STK3: variants seen among roughly 807,000 people sequenced by gnomAD.
STK3 encodes serine/threonine-protein kinase 3.
In STK3, 41 loss-of-function variants were observed where a neutral mutation model predicts 58.0. That is an observed-to-expected ratio of 0.71 (90% confidence interval 0.55 to 0.92). The LOEUF is 0.92. Ranked by LOEUF, STK3 falls within the 40% of genes least tolerant of loss-of-function variation. STK3 has a pLI of 0.00. For missense variants in STK3, 479 were observed against 602.7 expected (o/e 0.79, Z 2.15); for synonymous variants, 170 against 191.0 (o/e 0.89, Z 0.91).
chr8:98,409,469 C>A (rs1047605640), intron 3 of STK3, among the ~76,000 whole-genome samples: 1 of 152,238 alleles, frequency 6.6e-6, no homozygotes, highest in Non-Finnish European at 1.5e-5. Context: ...ACTCTGCCAT[C>A]GACATCTTCC....
the STK3 span, among the ~76,000 whole-genome samples, chr8:98,358,192 T>C: frequency 6.6e-6 from 1 of 152,202 alleles, no homozygotes; most frequent in South Asian, 2.1e-4. Flanking sequence ...TTCAGCTTAA[T>C]GTGCAAATCC....
At position 98,774,802 on chromosome 8, in the gene STK3, C is replaced by A; in HGVS notation, c.44G>T (p.Ser15Ile). 6.4e-7 allele frequency: 1 copy of A among 1,568,150 alleles called. No homozygotes were observed. Among genetic ancestry groups the A allele is most frequent in the South Asian group, 1.3e-5 (1 of 79,488 alleles). Residue 15 changes from serine (S) to isoleucine (I), a missense_variant, in exon 2 of 11, where the codon AGT (serine) becomes ATT (isoleucine). This residue lies in a region of STK3 where 44 missense variants were observed against 37.0 expected (regional missense o/e 1.19). Transcript: ENST00000419617. ...PAPKSKLKKLSEDSLTKQPEE... is the reference protein window; with the variant it reads ...PAPKSKLKKLIEDSLTKQPEE... ...AGGCTGCTTAGTCAAACTGTCTTCA[C>A]TCAGCTTTTTTAGTTTACTGATTTA...
At chr8:98,845,574 C>A (rs1415345872) in intron 3 of STK3, among the ~76,000 whole-genome samples, 1 of 152,170 alleles carries the variant, frequency 6.6e-6, no homozygotes, top group African/African-American at 2.4e-5. Flanking sequence ...TGAAAGTAAC[C>A]ATTTTTCCAC....
At chr8:98,603,300 G>A (rs543073299) in intron 6 of STK3, 1 of 151,814 alleles carries the variant, frequency 6.6e-6, no homozygotes, top group Middle Eastern at 3.4e-3. Flanking sequence ...GCAGTGACAT[G>A]ATCTAGGCTC....
chr8:98,712,367 G>T (rs1457879191), intron 4 of STK3, among the ~76,000 whole-genome samples: 2 of 152,102 alleles, frequency 1.3e-5, no homozygotes, highest in African/African-American at 4.8e-5. Context: ...AGACCCATCA[G>T]TGTGCTGTAT....
At chr8:98,479,680 T>C (rs1821693726) in intron 10 of STK3, among the ~76,000 whole-genome samples, 1 of 152,138 alleles carries the variant, frequency 6.6e-6, no homozygotes, top group Admixed American at 6.5e-5. Flanking sequence ...ACATTTACAA[T>C]GTCTGGGATG....
intron 2 of STK3, among the ~76,000 whole-genome samples, chr8:98,773,709 G>A (rs1414130744): frequency 6.6e-6 from 1 of 151,860 alleles, no homozygotes; most frequent in Non-Finnish European, 1.5e-5. Context: ...GTCTTTTAAT[G>A]GGAAAATTAA....
intron 1 of STK3, chr8:98,906,584 T>A (rs1321620883): frequency 3.3e-5 from 5 of 152,244 alleles, no homozygotes; most frequent in Non-Finnish European, 7.3e-5. Context: ...AGATGAAATG[T>A]TTAACTATCT....
intron 7 of STK3, among the ~76,000 whole-genome samples, chr8:98,582,315 C>T (rs1388388599): frequency 6.6e-6 from 1 of 151,826 alleles, no homozygotes; most frequent in Non-Finnish European, 1.5e-5. Flanking sequence ...ATAATCAGCC[C>T]CTTGCCTGAC....
At chr8:98,510,128 AAGAATG>A (rs1824390704) in intron 10 of STK3, among the ~76,000 whole-genome samples, 1 of 152,238 alleles carries the variant, frequency 6.6e-6, no homozygotes, top group East Asian at 1.9e-4. Context: ...GGCAAAATAA[AAGAATG>A]ATGTTGACAT....
At chr8:98,535,456 A>AT (rs34779344) in intron 9 of STK3, among the ~76,000 whole-genome samples, 60,642 of 143,646 alleles carry the variant, frequency 0.42, 12,799 homozygotes, top group Admixed American at 0.53. Flanking sequence ...GCTTTCATTA[A>AT]TTTTTTTTTT....
At chr8:98,694,535 GT>G (rs906064421) in intron 6 of STK3, among the ~76,000 whole-genome samples, 53 of 152,114 alleles carry the variant, frequency 3.5e-4, no homozygotes, top group African/African-American at 1.2e-3. Context: ...AGAGTGTGAT[GT>G]TCCCCTTCCT....
chr8:98,746,734 T>G (rs1338861441), intron 4 of STK3, among the ~76,000 whole-genome samples: 1 of 152,166 alleles, frequency 6.6e-6, no homozygotes, highest in Non-Finnish European at 1.5e-5. Context: ...CCAGCAAATA[T>G]ACTGTTCAGA....
At chr8:98,917,678 T>G in intron 1 of STK3, among the ~76,000 whole-genome samples, 1 of 151,952 alleles carries the variant, frequency 6.6e-6, no homozygotes, top group East Asian at 1.9e-4. Context: ...CGTGAGAAAA[T>G]AAATTTCTGT....
chr8:98,774,592 TA>T, intron 2 of STK3, 146 bp downstream of exon 2: 1 of 509,104 alleles, frequency 2.0e-6, no homozygotes. Flanking sequence ...AACTAATCTT[TA>T]AAATTCAGTA....
intron 6 of STK3, among the ~76,000 whole-genome samples, chr8:98,659,831 A>G (rs1232284813): frequency 1.3e-5 from 2 of 152,002 alleles, no homozygotes; most frequent in East Asian, 3.8e-4. Context: ...AACCATTAAA[A>G]TGACTTCCAT....
At chr8:98,822,964 G>T (rs1180481568) in intron 1 of STK3, among the ~76,000 whole-genome samples, 2 of 152,216 alleles carry the variant, frequency 1.3e-5, no homozygotes, top group African/African-American at 2.4e-5. Context: ...GATGCCAGAG[G>T]TTGCAGTGAG....
At chr8:98,907,091 G>T (rs1253805477) in intron 1 of STK3, among the ~76,000 whole-genome samples, 2 of 152,098 alleles carry the variant, frequency 1.3e-5, no homozygotes, top group African/African-American at 4.8e-5. Context: ...CCAGGATTTG[G>T]AGGCTCCAGT....
intron 8 of STK3, among the ~76,000 whole-genome samples, chr8:98,564,391 G>C (rs1485029050): frequency 6.6e-6 from 1 of 152,108 alleles, no homozygotes; most frequent in Non-Finnish European, 1.5e-5. Context: ...TACATACCAT[G>C]TGAAATTAGC....
Sources: gnomAD v4.1 joint callset for allele counts (sites outside exome capture counted in the v4.1 genomes callset) on GRCh38, gnomAD v4.1.1 for gene constraint, gnomAD v4.1.1 regional missense constraint, MANE v1.5 for transcripts, NCBI Gene and HGNC (gene_info 2026-07-23, HGNC 2026-07-21) for gene names.